The following TMEM175 variants were observed in gnomAD, a reference collection of about 807,000 sequenced individuals.
TMEM175 encodes endosomal/lysosomal proton channel TMEM175.
A neutral mutation model predicts 36.5 loss-of-function variants in TMEM175; 36 were observed. That is an observed-to-expected ratio of 0.99 (90% CI 0.76 to 1.30). The LOEUF (loss-of-function observed/expected upper bound fraction) is 1.30. TMEM175 is among the 50% of genes most tolerant of loss of function. The pLI, the probability that TMEM175 is intolerant of heterozygous loss-of-function variation, is 0.00. For synonymous variants in TMEM175, 339 were observed against 313.4 expected (o/e 1.08, Z -0.86); for missense variants, 705 against 692.8 (o/e 1.02, Z -0.20).
chr4:955,128 G>T (rs996897451), intron 8 of TMEM175, among the ~76,000 whole-genome samples: 10 of 152,124 alleles, frequency 6.6e-5, no homozygotes, highest in African/African-American at 2.2e-4. Flanking sequence ...TTTTCGTAGA[G>T]ATACAGTCTT....
At chr4:945,955 C>T (rs954052108) in intron 1 of TMEM175, 3 of 152,252 alleles carry the variant, frequency 2.0e-5, no homozygotes, top group Admixed American at 6.5e-5. Context: ...TCCGAGGTAC[C>T]TTTGAAGGCT....
At chr4:939,806 T>C (rs2152997258) in intron 1 of TMEM175, among the ~76,000 whole-genome samples, 1 of 152,338 alleles carries the variant, frequency 6.6e-6, no homozygotes, top group South Asian at 2.1e-4. Flanking sequence ...GATCTAAAAC[T>C]ATAAAACTCA....
intron 1 of TMEM175, among the ~76,000 whole-genome samples, chr4:936,935 G>C (rs927684935): frequency 6.6e-6 from 1 of 151,698 alleles, no homozygotes; most frequent in Non-Finnish European, 1.5e-5. Context: ...CCAGTCTAGC[G>C]ACACAGTAGG....
intron 1 of TMEM175, among the ~76,000 whole-genome samples, chr4:945,297 C>T (rs1727998495): frequency 6.6e-6 from 1 of 151,094 alleles, no homozygotes; most frequent in Non-Finnish European, 1.5e-5. Context: ...CCCAGGCCCC[C>T]GCCGTCTCTG....
chr4:951,886 C>T, intron 6 of TMEM175, 169 bp downstream of exon 6: 1 of 723,252 alleles, frequency 1.4e-6, no homozygotes, highest in Non-Finnish European at 2.3e-6. Flanking sequence ...GGGCTTCTTT[C>T]AGGCTGGCGG....
chr4:943,618 T>G (rs1727782375), intron 1 of TMEM175, among the ~76,000 whole-genome samples: 1 of 152,204 alleles, frequency 6.6e-6, no homozygotes, highest in Non-Finnish European at 1.5e-5. Context: ...GTCTCATGCC[T>G]GTCGGTGGGA....
intron 4 of TMEM175, 47 bp downstream of exon 4, chr4:950,565 C>G: frequency 7.1e-7 from 1 of 1,408,272 alleles, no homozygotes; most frequent in Non-Finnish European, 1.0e-6. Flanking sequence ...TCTCAAGGTT[C>G]CCGTACCCCG....
At chr4:952,509 TGTGTGTGTG>T (rs1240795752) in intron 7 of TMEM175, 59 bp downstream of exon 7, 16 of 1,346,114 alleles carry the variant, frequency 1.2e-5, no homozygotes, top group African/African-American at 1.7e-5. Context: ...TGTGTGTGTG[TGTGTGTGTG>T]ATCACCATCG....
At chr4:942,010 G>A (rs1560476384) in intron 1 of TMEM175, among the ~76,000 whole-genome samples, 1 of 151,752 alleles carries the variant, frequency 6.6e-6, no homozygotes, top group Non-Finnish European at 1.5e-5. Flanking sequence ...GATCCACTTC[G>A]AGTTAACTTT....
At chr4:947,124 C>T (rs1176377802) in intron 1 of TMEM175, among the ~76,000 whole-genome samples, 9 of 142,958 alleles carry the variant, frequency 6.3e-5, no homozygotes, top group African/African-American at 1.9e-4. Flanking sequence ...GCGCCGAGAC[C>T]GGGGGAGAGC....
chr4:957,985 G>A lies in TMEM175; in HGVS notation c.1004G>A (p.Arg335His), dbSNP rs147762522. ...CACCACTCACTCTTCCTGCATGTGCGCAAGGCCACGCGGGCCATGGGGCTG... is the reference window on the plus strand; with the variant it reads ...CACCACTCACTCTTCCTGCATGTGCACAAGGCCACGCGGGCCATGGGGCTG... ...FAHHSLFLHV[R>H]KATRAMGLLN... Residue 335 changes from arginine to histidine, a missense_variant, in exon 11 of 11, where the codon CGC becomes CAC. By Grantham distance (29) the Arg-to-His change is conservative (BLOSUM62 0). Transcript: ENST00000264771. The A allele has an allele frequency of 1.4e-3, 2,294 of 1,612,836 alleles. 9 individuals carry two copies. Among genetic ancestry groups the A allele is most frequent in the Middle Eastern group, 0.013 (77 of 6,062 alleles).
intron 1 of TMEM175, among the ~76,000 whole-genome samples, chr4:939,871 T>A (rs6851787): frequency 0.72 from 108,849 of 152,024 alleles, 39,153 homozygotes; most frequent in South Asian, 0.85. Flanking sequence ...CACTAAAAGC[T>A]TGATCCCATG....
chr4:958,529 C>G lies in TMEM175; in HGVS notation c.*33C>G, dbSNP rs189163676. On this transcript the variant is annotated 3_prime_UTR_variant, in exon 11 of 11. Transcript: ENST00000264771. ...AGAGCCCACTCCCAGCCGTCCTCAC[C>G]AGAGATGGACCAGGGAGGACAGGAT... 1 of 1,451,312 alleles carries G rather than the reference C, an allele frequency of 6.9e-7. No homozygotes were observed. The highest frequency in any genetic ancestry group is 2.4e-5 in the Admixed American group (1 of 40,822). 89.9% of individuals were successfully genotyped at this position (1,451,312 alleles called of 1,614,324 possible).
chr4:947,599 C>T (rs999510441), intron 1 of TMEM175, 110 bp from the exon 2 acceptor site: 32 of 823,652 alleles, frequency 3.9e-5, no homozygotes, highest in African/African-American at 6.9e-5. Context: ...TGCTCAGTGG[C>T]GGCCAAGCCC....
intron 5 of TMEM175, 116 bp downstream of exon 5, chr4:951,374 T>C: frequency 1.6e-6 from 2 of 1,223,474 alleles, no homozygotes; most frequent in Middle Eastern, 1.9e-4. Context: ...TCTCGGAGCC[T>C]GGAATCTGTC....
intron 1 of TMEM175, among the ~76,000 whole-genome samples, chr4:936,314 A>C (rs1301771296): frequency 6.6e-6 from 1 of 152,016 alleles, no homozygotes; most frequent in African/African-American, 2.4e-5. Context: ...CACAAAAAAA[A>C]AAAAAAGGAA....
intron 1 of TMEM175, among the ~76,000 whole-genome samples, chr4:942,235 T>G (rs1192449636): frequency 1.3e-5 from 2 of 151,872 alleles, no homozygotes; most frequent in African/African-American, 2.4e-5. Flanking sequence ...CCCAGCTAAT[T>G]TTTGTATTTT....
chr4:939,945 C>G (rs1413228871), intron 1 of TMEM175, among the ~76,000 whole-genome samples: 2 of 152,030 alleles, frequency 1.3e-5, no homozygotes, highest in South Asian at 2.1e-4. Context: ...TTGAAAATAG[C>G]CCATATGAAC....
intron 1 of TMEM175, among the ~76,000 whole-genome samples, chr4:945,190 G>A (rs544951719): frequency 3.9e-5 from 6 of 152,234 alleles, no homozygotes; most frequent in Non-Finnish European, 4.4e-5. Flanking sequence ...GCCTGGAATG[G>A]ACCCTTGGAG....
Sources: gnomAD v4.1 joint callset for allele counts (sites outside exome capture counted in the v4.1 genomes callset) on GRCh38, gnomAD v4.1.1 for gene constraint, MANE v1.5 for transcripts, NCBI Gene and HGNC (gene_info 2026-07-23, HGNC 2026-07-21) for gene names.